KLHL1: variants seen among roughly 807,000 people sequenced by gnomAD.
KLHL1 encodes kelch like family member 1.
Under a neutral mutation model 77.7 loss-of-function variants are expected in KLHL1, and 47 were observed. The observed-to-expected ratio is 0.60, with a 90% confidence interval of 0.48 to 0.77. The LOEUF (loss-of-function observed/expected upper bound fraction) is 0.77, where lower values mean the gene tolerates loss of function less well. KLHL1 is among the 30% of genes least tolerant of loss of function. The pLI is 0.00. For synonymous variants in KLHL1, 360 were observed against 325.2 expected (o/e 1.11, Z -1.15); for missense variants, 925 against 910.8 (o/e 1.02, Z -0.20).
At chr13:70,056,487 G>T (rs930917033) in intron 1 of KLHL1, among the ~76,000 whole-genome samples, 5 of 151,906 alleles carry the variant, frequency 3.3e-5, no homozygotes, top group Non-Finnish European at 7.4e-5. Context: ...AGACCAAATG[G>T]AACTAATGTA....
At chr13:69,980,510 T>A (rs1434899231) in intron 1 of KLHL1, among the ~76,000 whole-genome samples, 6 of 152,138 alleles carry the variant, frequency 3.9e-5, no homozygotes, top group Admixed American at 3.9e-4. Context: ...TAATTTCAGT[T>A]TCTGCAATAC....
chr13:69,779,385 C>A lies in KLHL1; in HGVS notation c.1639+17353G>T, dbSNP rs112827664. Among the ~76,000 whole-genome samples, 72 of 149,968 alleles carry A rather than the reference C, an allele frequency of 4.8e-4. 1 individual carries two copies. Among genetic ancestry groups the A allele is most frequent in the African/African-American group, 1.7e-3 (69 of 40,826 alleles). ...TTTCCTTCCTCCCCTCCCCTCTCCT[C>A]CCCTGTCCTCCCCTCTTCCCTCCTT... On this transcript the variant is annotated intron_variant, in intron 7 of 10. Coordinates refer to ENST00000377844, the MANE Select transcript of KLHL1 (RefSeq NM_020866.3).
chr13:70,042,437 G>C (rs760812061), intron 1 of KLHL1, among the ~76,000 whole-genome samples: 18 of 152,054 alleles, frequency 1.2e-4, no homozygotes, highest in Admixed American at 2.6e-4. Flanking sequence ...AGTCAACAAT[G>C]TACCATATAT....
chr13:70,101,475 C>T (rs1238581731), intron 1 of KLHL1, among the ~76,000 whole-genome samples: 1 of 152,104 alleles, frequency 6.6e-6, no homozygotes, highest in Non-Finnish European at 1.5e-5. Flanking sequence ...GTCCCCCAGG[C>T]TGGAGTGCAG....
intron 1 of KLHL1, among the ~76,000 whole-genome samples, chr13:70,088,678 T>A (rs1887602960): frequency 6.6e-6 from 1 of 152,110 alleles, no homozygotes; most frequent in African/African-American, 2.4e-5. Context: ...AGCAAGACCC[T>A]GTCTCATAAA....
At chr13:70,084,131 T>C (rs1017137012) in intron 1 of KLHL1, among the ~76,000 whole-genome samples, 6 of 152,184 alleles carry the variant, frequency 3.9e-5, no homozygotes, top group Non-Finnish European at 5.9e-5. Flanking sequence ...CAACATTGTA[T>C]GGCACTTCAT....
chr13:69,720,473 C>A (rs1427950636), intron 8 of KLHL1, among the ~76,000 whole-genome samples: 1 of 151,954 alleles, frequency 6.6e-6, no homozygotes, highest in African/African-American at 2.4e-5. Context: ...AAAAAAAATC[C>A]ATGCACTCAA....
chr13:69,908,476 G>A (rs1169955937), intron 4 of KLHL1, among the ~76,000 whole-genome samples: 1 of 149,228 alleles, frequency 6.7e-6, no homozygotes, highest in Non-Finnish European at 1.5e-5. Context: ...TATAAACCCA[G>A]AAGGATAACA....
At chr13:70,024,001 T>G (rs1419508942) in intron 1 of KLHL1, among the ~76,000 whole-genome samples, 1 of 151,872 alleles carries the variant, frequency 6.6e-6, no homozygotes, top group African/African-American at 2.4e-5. Context: ...TTTCTCTTGA[T>G]GTCTGTCAAA....
At chr13:69,936,995 CT>C (rs1883207135) in intron 4 of KLHL1, among the ~76,000 whole-genome samples, 1 of 152,138 alleles carries the variant, frequency 6.6e-6, no homozygotes, top group African/African-American at 2.4e-5. Flanking sequence ...TCTCTTCCAG[CT>C]TTCATATCTT....
chr13:69,750,184 T>G (rs1027187861), intron 7 of KLHL1, among the ~76,000 whole-genome samples: 1 of 151,720 alleles, frequency 6.6e-6, no homozygotes, highest in African/African-American at 2.4e-5. Flanking sequence ...TCATAATATA[T>G]ATATGACCTT....
Position 70,107,691 on chromosome 13 carries a change from G to C in KLHL1, c.9C>G (p.Gly3=). The change falls in exon 1 of 11, where the codon GGC becomes GGG. Residue 3 remains glycine, a synonymous_variant. Coordinates refer to ENST00000377844, the MANE Select transcript of KLHL1 (RefSeq NM_020866.3). ...TCACATCGAAGTCTTTTCGCCCAGA[G>C]CCTGACATGCTTTACGCACAGAAGG... is the stretch of plus-strand genomic sequence containing the variant. MS[G]SGRKDFDVKH... is the part of the protein sequence containing the mutation. 1 of 1,524,768 alleles carries C rather than the reference G, an allele frequency of 6.6e-7. No homozygotes were observed. Among genetic ancestry groups the C allele is most frequent in the Non-Finnish European group, 8.8e-7 (1 of 1,140,958 alleles). The allele number at this position is 1,524,768 out of a possible 1,614,324, so 94.5% of individuals were successfully genotyped here.
intron 1 of KLHL1, among the ~76,000 whole-genome samples, chr13:70,067,155 T>A (rs1887028365): frequency 6.6e-6 from 1 of 152,180 alleles, no homozygotes; most frequent in African/African-American, 2.4e-5. Context: ...AAGTATTCAA[T>A]GTCAACCTAA....
chr13:69,770,993 T>C (rs1023030675), intron 7 of KLHL1, among the ~76,000 whole-genome samples: 4 of 152,242 alleles, frequency 2.6e-5, no homozygotes, highest in African/African-American at 9.6e-5. Context: ...ATGTGAAAGA[T>C]ACTACCTTTA....
intron 5 of KLHL1, among the ~76,000 whole-genome samples, chr13:69,844,980 G>A (rs867275782): frequency 3.3e-5 from 5 of 151,698 alleles, no homozygotes; most frequent in Middle Eastern, 3.4e-3. Flanking sequence ...GCTCCCGCAG[G>A]ATGAGACATC....
chr13:69,933,500 A>G (rs1343200437), intron 4 of KLHL1, among the ~76,000 whole-genome samples: 1 of 152,134 alleles, frequency 6.6e-6, no homozygotes, highest in East Asian at 1.9e-4. Flanking sequence ...TAAAACCATG[A>G]TCACAAACCA....
At chr13:69,830,834 T>G (rs1164091974) in intron 6 of KLHL1, among the ~76,000 whole-genome samples, 1 of 150,164 alleles carries the variant, frequency 6.7e-6, no homozygotes, top group Admixed American at 6.7e-5. Flanking sequence ...TTAAGTAATC[T>G]GATCCTGAAT....
At chr13:69,940,267 CTT>C in intron 3 of KLHL1, 31 bp from the exon 4 acceptor site, 5 of 1,519,940 alleles carry the variant, frequency 3.3e-6, no homozygotes, top group East Asian at 2.3e-5. Flanking sequence ...TTATGAAACT[CTT>C]TTAAAAACAT....
At chr13:69,845,741 G>A (rs1879434086) in intron 5 of KLHL1, among the ~76,000 whole-genome samples, 1 of 151,286 alleles carries the variant, frequency 6.6e-6, no homozygotes, top group Admixed American at 6.6e-5. Flanking sequence ...TTTCTATGAA[G>A]GTAATGAACA....
Sources: gnomAD v4.1 joint callset for allele counts (sites outside exome capture counted in the v4.1 genomes callset) on GRCh38, gnomAD v4.1.1 for gene constraint, MANE v1.5 for transcripts, NCBI Gene and HGNC (gene_info 2026-07-23, HGNC 2026-07-21) for gene names.